SLC25A19: variants seen among roughly 807,000 people sequenced by gnomAD.
The protein encoded by SLC25A19 is solute carrier family 25 member 19, also known as mitochondrial thiamine pyrophosphate carrier.
In SLC25A19, 18 loss-of-function variants were observed where a neutral mutation model predicts 27.9. That is an observed-to-expected ratio of 0.64 (90% CI 0.45 to 0.96). SLC25A19 has a LOEUF of 0.96. SLC25A19 is among the 40% of genes least tolerant of loss of function. The pLI is 0.00. For synonymous variants in SLC25A19, 169 were observed against 167.1 expected, an observed-to-expected ratio of 1.01 and a Z score of -0.09; for missense variants, 371 against 418.3, an observed-to-expected ratio of 0.89 and a Z score of 0.99.
Position 75,273,078 on chromosome 17 carries a change from C to T in SLC25A19, c.*373G>A, listed in dbSNP as rs2077767187. ...GACTCCTGCAAAGGGCCTACCGCAG[C>T]CCTCTGCACTCAAGCAGCAGCCCCA... On this transcript the variant is annotated 3_prime_UTR_variant, in exon 8 of 8. Transcript: ENST00000416858. 2.9e-6 allele frequency: 1 copy of T among 347,906 alleles called. No individual in the cohort carries two copies. Among genetic ancestry groups the T allele is most frequent in the African/African-American group, 2.1e-5 (1 of 47,370 alleles). 21.6% of individuals were successfully genotyped at this position (347,906 alleles called of 1,614,324 possible).
At position 75,286,637 on chromosome 17, in the gene SLC25A19, A is replaced by G. The variant is rs1326442333; in HGVS notation, c.128T>C (p.Phe43Ser). 2.5e-6 allele frequency: 4 copies of G among 1,614,058 alleles called. No homozygotes were observed. The highest frequency in any genetic ancestry group is 2.2e-5 in the East Asian group (1 of 44,900). Reference sequence around the variant, plus strand: ...ATGGAAAAAGGGGAAGAGTACCTGGAAACGGATCTTGATGACGTCGAAGGG... The same window carrying G: ...ATGGAAAAAGGGGAAGAGTACCTGGGAACGGATCTTGATGACGTCGAAGGG... ...ISPFDVIKIR[F>S]QLQHERLSRS... Residue 43 changes from phenylalanine to serine, a missense_variant, in exon 3 of 8, where the codon TTC becomes TCC. Transcript: ENST00000416858.
chr17:75,280,949 CAAAA>C (rs557623020), intron 5 of SLC25A19, among the ~76,000 whole-genome samples: 1 of 87,850 alleles, frequency 1.1e-5, no homozygotes, highest in Admixed American at 1.2e-4. Context: ...AAACAACAAC[CAAAA>C]AAAAAAAAAA....
rs1598190842 is a variant in SLC25A19, at chr17:75,282,858, AT to A, written c.459+564del. Among the ~76,000 whole-genome samples, 4 of 151,264 alleles carry A rather than the reference AT, an allele frequency of 2.6e-5. No homozygotes were observed. In the South Asian group the frequency reaches 8.3e-4, roughly 31 times the overall value. ...AGAGTGAGACTCTGTCTCAAAAAAA[AT>A]AAATAAATAACTAAAAATAAAAATA... On this transcript the variant is annotated intron_variant, in intron 5 of 7. Coordinates refer to ENST00000416858, the MANE Select transcript of SLC25A19 (RefSeq NM_001126121.2).
chr17:75,277,117 G>T (rs949579333), intron 7 of SLC25A19, among the ~76,000 whole-genome samples: 11 of 144,416 alleles, frequency 7.6e-5, no homozygotes, highest in Non-Finnish European at 1.1e-4. Flanking sequence ...CTATTTTAAA[G>T]AAAAAAAAAA....
intron 5 of SLC25A19, among the ~76,000 whole-genome samples, chr17:75,281,996 G>A (rs1170916416): frequency 6.6e-6 from 1 of 152,184 alleles, no homozygotes; most frequent in African/African-American, 2.4e-5. Flanking sequence ...TCTGCCGAGT[G>A]CGGTGGCTCA....
At chr17:75,277,527 C>A (rs1399588581) in intron 6 of SLC25A19, 44 bp from the exon 7 acceptor site, 1 of 1,611,244 alleles carries the variant, frequency 6.2e-7, no homozygotes, top group Non-Finnish European at 8.5e-7. Flanking sequence ...GAGAGAAATG[C>A]AGTCTATGGG....
rs540179353 is a variant in SLC25A19, at chr17:75,278,614, C to T, written c.460-279G>A. ...GCGTCCTGGGGAAGAGCTAAAGACG[C>T]GATGTCCATCTGTGGGTGCTGGTTA... is the stretch of plus-strand genomic sequence containing the variant. On this transcript the variant is annotated intron_variant, in intron 5 of 7. Coordinates refer to ENST00000416858, the MANE Select transcript of SLC25A19 (RefSeq NM_001126121.2). Among the ~76,000 whole-genome samples, 113 of 152,266 alleles carry T rather than the reference C, an allele frequency of 7.4e-4. 1 individual carries two copies. In the South Asian group the frequency reaches 0.017, roughly 22 times the overall value.
At chr17:75,281,417 C>A (rs1363358145) in intron 5 of SLC25A19, among the ~76,000 whole-genome samples, 1 of 152,154 alleles carries the variant, frequency 6.6e-6, no homozygotes, top group African/African-American at 2.4e-5. Flanking sequence ...TCGCAATTGG[C>A]CGGGCGTGGT....
Position 75,273,108 on chromosome 17 carries a change from G to T in SLC25A19, c.*343C>A, listed in dbSNP as rs1205507201. 2 of 377,862 alleles carry T rather than the reference G, an allele frequency of 5.3e-6. No individual in the cohort carries two copies. Among genetic ancestry groups the T allele is most frequent in the Admixed American group, 7.7e-5 (2 of 25,928 alleles). 23.4% of individuals were successfully genotyped at this position (377,862 alleles called of 1,614,324 possible). On this transcript the variant is annotated 3_prime_UTR_variant, in exon 8 of 8. Coordinates refer to ENST00000416858, the MANE Select transcript of SLC25A19 (RefSeq NM_001126121.2). ...TGCACTCAAGCAGCAGCCCCATCCA[G>T]ACCAGGAGTGTGTTCTGTTCTCCTG...
intron 5 of SLC25A19, among the ~76,000 whole-genome samples, chr17:75,283,042 G>C (rs1486167189): frequency 6.7e-6 from 1 of 150,188 alleles, no homozygotes; most frequent in Non-Finnish European, 1.5e-5. Flanking sequence ...GCTCATGCCT[G>C]TAATCCTAGC....
Position 75,273,492 on chromosome 17 carries a change from T to C in SLC25A19, c.922A>G (p.Asn308Asp). 1 of 1,614,126 alleles carries C rather than the reference T, an allele frequency of 6.2e-7. No individual in the cohort carries two copies. Among genetic ancestry groups the C allele is most frequent in the Middle Eastern group, 1.7e-4 (1 of 6,046 alleles). Reference sequence around the variant, plus strand: ...GTCCTGTTCATGCAGTGGAAGACATTACAGAAGAATTCATACGAGAAGAAC... The same window carrying C: ...GTCCTGTTCATGCAGTGGAAGACATCACAGAAGAATTCATACGAGAAGAAC... ...FMFFSYEFFC[N>D]VFHCMNRTAS... Residue 308 changes from asparagine (N) to aspartate (D), a missense_variant, in exon 8 of 8, where the codon AAT (asparagine) becomes GAT (aspartate). Asn to Asp is a conservative substitution (Grantham distance 23). Coordinates refer to ENST00000416858, the MANE Select transcript of SLC25A19 (RefSeq NM_001126121.2).
intron 7 of SLC25A19, among the ~76,000 whole-genome samples, chr17:75,274,739 C>G (rs980130981): frequency 1.3e-5 from 2 of 151,674 alleles, no homozygotes; most frequent in African/African-American, 4.9e-5. Context: ...CCCAGGAGTT[C>G]GAGACCAGCC....
rs200977389 is a variant in SLC25A19 at position 75,273,635 on chromosome 17, C to T, written c.779G>A (p.Arg260Gln). The change falls in exon 8 of 8, where the codon CGG (arginine) becomes CAG (glutamine). Residue 260 changes from arginine to glutamine, a missense_variant. Transcript: ENST00000416858. ...ACAGTCCATGAGGCCCTTGTATCTC[C>T]GTACCTGGGGAGAGGAAAGGGATGA... ...EHARAAFGQV[R>Q]RYKGLMDCAK... The T allele has an allele frequency of 2.7e-5, 44 of 1,612,410 alleles. No individual in the cohort carries two copies. The highest frequency in any genetic ancestry group is 3.0e-5 in the Non-Finnish European group (35 of 1,179,856).
In SLC25A19 at chr17:75,288,499, T is replaced by A. The variant is rs538965464; in HGVS notation, c.-39+3A>T. 1 of 152,108 alleles carries A rather than the reference T, an allele frequency of 6.6e-6. No homozygotes were observed. The highest frequency in any genetic ancestry group is 1.5e-5 in the Non-Finnish European group (1 of 67,998). The allele number at this position is 152,108 out of a possible 1,614,324, so 9.4% of individuals were successfully genotyped here. On this transcript the variant is annotated splice_donor_region_variant and intron_variant, in intron 2 of 7. Coordinates refer to ENST00000416858, the MANE Select transcript of SLC25A19 (RefSeq NM_001126121.2). ...AACAAAAAACAAAAACAGTAATACC[T>A]ACATACGGTCTGTAGAGTTGTACAA... is the stretch of plus-strand genomic sequence containing the variant.
intron 7 of SLC25A19, among the ~76,000 whole-genome samples, chr17:75,275,467 T>G (rs1177384294): frequency 6.6e-6 from 1 of 151,962 alleles, no homozygotes; most frequent in South Asian, 2.1e-4. Flanking sequence ...TTTTCACACC[T>G]CCGCATCTCA....
rs541835381 is a variant in SLC25A19, at chr17:75,273,650, G to C, written c.775-11C>G. Reference sequence around the variant, plus strand: ...CTTGTATCTCCGTACCTGGGGAGAGGAAAGGGATGAAAATATGGATGCCCG... The same window carrying C: ...CTTGTATCTCCGTACCTGGGGAGAGCAAAGGGATGAAAATATGGATGCCCG... On this transcript the variant is annotated splice_polypyrimidine_tract_variant and intron_variant, in intron 7 of 7. Transcript: ENST00000416858. The C allele has an allele frequency of 6.2e-7, 1 of 1,611,626 alleles. No homozygotes were observed. Among genetic ancestry groups the C allele is most frequent in the African/African-American group, 1.3e-5 (1 of 74,980 alleles).
At chr17:75,283,881 C>T (rs192307465) in intron 4 of SLC25A19, among the ~76,000 whole-genome samples, 38 of 152,216 alleles carry the variant, frequency 2.5e-4, no homozygotes, top group South Asian at 6.2e-4. Flanking sequence ...TCTGGGGGGC[C>T]GAGGCGGGCA....
At chr17:75,285,994 A>T (rs2078171721) in intron 4 of SLC25A19, among the ~76,000 whole-genome samples, 1 of 152,226 alleles carries the variant, frequency 6.6e-6, no homozygotes. Flanking sequence ...TGAACCACAT[A>T]TGTGAAGGTG....
chr17:75,277,142 A>G (rs1477407743), intron 7 of SLC25A19, among the ~76,000 whole-genome samples: 2 of 151,770 alleles, frequency 1.3e-5, no homozygotes, highest in East Asian at 3.9e-4. Context: ...CAGACACTGT[A>G]TGTCCTTGGC....
Sources: allele counts gnomAD v4.1 joint callset (sites outside exome capture counted in the v4.1 genomes callset), GRCh38; gene constraint gnomAD v4.1.1; transcripts MANE v1.5; gene names NCBI Gene and HGNC (gene_info 2026-07-23, HGNC 2026-07-21).